Variants in CACNA2D3 observed in about 807,000 individuals in gnomAD.
CACNA2D3 encodes the protein voltage-dependent calcium channel subunit alpha-2/delta-3.
CACNA2D3 carries 60 observed loss-of-function variants against 160.6 expected under a neutral mutation model. That is an observed-to-expected ratio of 0.37 (90% CI 0.30 to 0.46). The LOEUF (loss-of-function observed/expected upper bound fraction) is 0.46, where lower values mean the gene tolerates loss of function less well. Among genes scored for constraint, CACNA2D3 ranks in the 20% least tolerant of loss-of-function variants. The probability of loss-of-function intolerance (pLI) is 1.00; values close to 1 mark genes in which losing one functional copy is unlikely to be tolerated. For synonymous variants in CACNA2D3, 558 were observed against 492.9 expected (o/e 1.13, Z -1.75); for missense variants, 1,205 against 1,365.0 (o/e 0.88, Z 1.85).
chr3:54,556,969 C>A (rs1235621743), intron 5 of CACNA2D3, among the ~76,000 whole-genome samples: 2 of 151,700 alleles, frequency 1.3e-5, no homozygotes, highest in East Asian at 3.9e-4. Flanking sequence ...TTGGGAAAAT[C>A]ATATTTAACT....
chr3:54,422,359 G>C (rs1169931801), intron 4 of CACNA2D3, among the ~76,000 whole-genome samples: 1 of 152,186 alleles, frequency 6.6e-6, no homozygotes, highest in Non-Finnish European at 1.5e-5. Context: ...TCTGGTGCTA[G>C]GGACGTTTGA....
At chr3:54,849,289 T>G (rs1699003644) in intron 17 of CACNA2D3, among the ~76,000 whole-genome samples, 1 of 151,858 alleles carries the variant, frequency 6.6e-6, no homozygotes. Flanking sequence ...TAAAGAATGA[T>G]AGCTAAGAGT....
chr3:54,816,996 C>T (rs1703472967), intron 14 of CACNA2D3, 126 bp downstream of exon 14: 1 of 1,139,488 alleles, frequency 8.8e-7, no homozygotes. Context: ...CTTCAGAAAC[C>T]TGAAGTTGGG....
chr3:54,310,045 C>T (rs555262017), intron 2 of CACNA2D3, among the ~76,000 whole-genome samples: 2 of 151,978 alleles, frequency 1.3e-5, no homozygotes, highest in Admixed American at 6.5e-5. Context: ...AATTGCATTC[C>T]TCAAGGATTG....
Position 54,894,616 on chromosome 3 carries a change from C to T in CACNA2D3, c.2247-2133C>T, listed in dbSNP as rs569490801. 4 of 516,306 alleles carry T rather than the reference C, an allele frequency of 7.7e-6. No homozygotes were observed. The East Asian group carries it at 2.2e-4, about 28-fold the overall frequency. 32.0% of individuals were successfully genotyped at this position (516,306 alleles called of 1,614,324 possible). A position where few individuals can be genotyped will look rare whatever the true frequency, so the allele number is the denominator to read the frequency against. On this transcript the variant is annotated intron_variant, in intron 25 of 37. Coordinates refer to ENST00000474759, the MANE Select transcript of CACNA2D3 (RefSeq NM_018398.3). ...CTGTAATGACCACTGAACAGACCTG[C>T]TGGGAGTGCGAACACCTTCTGCTCA... is the stretch of plus-strand genomic sequence containing the variant.
chr3:54,306,340 A>C (rs1703600999), intron 2 of CACNA2D3, among the ~76,000 whole-genome samples: 1 of 152,194 alleles, frequency 6.6e-6, no homozygotes, highest in African/African-American at 2.4e-5. Flanking sequence ...AGAGAGAGAG[A>C]GAGAAGTATT....
chr3:54,759,939 G>A lies in CACNA2D3; in HGVS notation c.1247-4279G>A, dbSNP rs150501456. Among the ~76,000 whole-genome samples, 101 of 152,326 alleles carry A rather than the reference G, an allele frequency of 6.6e-4. 1 individual carries two copies. In the East Asian group the frequency reaches 0.016, roughly 24 times the overall value. The stretch of plus-strand genomic sequence containing the variant: ...AGAGTTTGTGTTTCTTCCCCTACAC[G>A]GTGAGCACATGCTTTGGGCCATTGT... On this transcript the variant is annotated intron_variant, in intron 12 of 37. Transcript: ENST00000474759.
chr3:54,358,648 G>A (rs898276683), intron 3 of CACNA2D3, among the ~76,000 whole-genome samples: 1 of 152,164 alleles, frequency 6.6e-6, no homozygotes, highest in Admixed American at 6.5e-5. Flanking sequence ...TGCTGGCTGT[G>A]GCTTCTTCTC....
intron 35 of CACNA2D3, among the ~76,000 whole-genome samples, chr3:55,033,460 G>T (rs1189309605): frequency 6.6e-6 from 1 of 151,016 alleles, no homozygotes; most frequent in African/African-American, 2.4e-5. Context: ...ACATACAGGC[G>T]CTTAGGTATA....
At chr3:54,932,143 C>T (rs56763486) in intron 27 of CACNA2D3, among the ~76,000 whole-genome samples, 201 of 152,234 alleles carry the variant, frequency 1.3e-3, no homozygotes, top group African/African-American at 4.6e-3. Context: ...CACGCCACTA[C>T]ACAGCAGCCT....
At chr3:54,629,521 C>T (rs1033566048) in intron 10 of CACNA2D3, among the ~76,000 whole-genome samples, 5 of 152,286 alleles carry the variant, frequency 3.3e-5, no homozygotes, top group Middle Eastern at 6.8e-3. Flanking sequence ...AAGTCAACTT[C>T]CTCAGTACAA....
chr3:54,638,045 G>A (rs555334693), intron 10 of CACNA2D3: 1 of 152,174 alleles, frequency 6.6e-6, no homozygotes, highest in African/African-American at 2.4e-5. Context: ...TTGTCTCACA[G>A]TGGAGGCAAG....
In CACNA2D3 at chr3:54,539,224, A is replaced by C. The variant is rs373107782; in HGVS notation, c.545-23576A>C. ...TCAGTTTCCTCATTTGTAAGTGTGC[A>C]TAATAGGACCTTTATCATAGAGGCT... On this transcript the variant is annotated intron_variant, in intron 5 of 37. Transcript: ENST00000474759. 2.0e-5 allele frequency among the ~76,000 whole-genome samples: 3 copies of C among 152,238 alleles called. No homozygotes were observed. In the South Asian group the frequency reaches 6.2e-4, roughly 31 times the overall value.
rs868112418 is a variant in CACNA2D3, at chr3:54,291,099, G to C, written c.205-29343G>C. ...ATGTACCTACATACACAGGATGGAT[G>C]GAAAACATCGTGGCAGGTTGCATAC... On this transcript the variant is annotated intron_variant, in intron 2 of 37. Coordinates refer to ENST00000474759, the MANE Select transcript of CACNA2D3 (RefSeq NM_018398.3). 2.6e-5 allele frequency among the ~76,000 whole-genome samples: 4 copies of C among 152,144 alleles called. No individual in the cohort carries two copies. In the South Asian group the frequency reaches 6.2e-4, roughly 24 times the overall value.
intron 11 of CACNA2D3, among the ~76,000 whole-genome samples, chr3:54,751,301 C>T (rs1044501081): frequency 6.6e-6 from 1 of 152,172 alleles, no homozygotes; most frequent in Non-Finnish European, 1.5e-5. Flanking sequence ...TGAGCACAGA[C>T]TGACATTCCA....
At chr3:54,288,721 A>G (rs900043169) in intron 2 of CACNA2D3, among the ~76,000 whole-genome samples, 2 of 152,148 alleles carry the variant, frequency 1.3e-5, no homozygotes, top group African/African-American at 4.8e-5. Flanking sequence ...AAGCTTATCC[A>G]CCATGATCAA....
chr3:54,290,479 A>G (rs148472950), intron 2 of CACNA2D3, among the ~76,000 whole-genome samples: 18,237 of 152,036 alleles, frequency 0.12, 1,178 homozygotes, highest in East Asian at 0.23. Context: ...AACTAGTTCA[A>G]CCATTGTGGA....
intron 2 of CACNA2D3, among the ~76,000 whole-genome samples, chr3:54,210,111 G>A (rs756768546): frequency 1.6e-4 from 24 of 152,118 alleles, no homozygotes; most frequent in Non-Finnish European, 3.1e-4. Flanking sequence ...AAAACACAAC[G>A]TTTGTTAGAA....
chr3:54,779,782 AG>A (rs1280961853), intron 13 of CACNA2D3, among the ~76,000 whole-genome samples: 24 of 152,262 alleles, frequency 1.6e-4, no homozygotes, highest in Non-Finnish European at 3.4e-4. Context: ...TTTCCATCTC[AG>A]GTCCCCTATA....
Sources: gnomAD v4.1 joint callset for allele counts (sites outside exome capture counted in the v4.1 genomes callset) on GRCh38, gnomAD v4.1.1 for gene constraint, MANE v1.5 for transcripts, NCBI Gene and HGNC (gene_info 2026-07-23, HGNC 2026-07-21) for gene names.